The following ANXA8 variants were observed in gnomAD, a reference collection of about 807,000 sequenced individuals.
The protein encoded by ANXA8 is VAC-beta.
Under a neutral mutation model 26.8 loss-of-function variants are expected in ANXA8, and 9 were observed. That is an observed-to-expected ratio of 0.34 (90% CI 0.20 to 0.59). The LOEUF (loss-of-function observed/expected upper bound fraction) is 0.59. Among genes scored for constraint, ANXA8 ranks in the 20% least tolerant of loss-of-function variants. The pLI is 0.84. For synonymous variants in ANXA8, 39 were observed against 94.8 expected, an observed-to-expected ratio of 0.41 and a Z score of 3.42; for missense variants, 83 against 238.5, an observed-to-expected ratio of 0.35 and a Z score of 4.29.
chr10:47,619,867 C>T, the ANXA8 span, among the ~76,000 whole-genome samples: 1 of 112,992 alleles, frequency 8.9e-6, no homozygotes, highest in Non-Finnish European at 2.0e-5. Context: ...GATAAGAGAG[C>T]ACAGAGGAGG....
At chr10:47,929,699 C>T in the ANXA8 span, among the ~76,000 whole-genome samples, 1 of 150,198 alleles carries the variant, frequency 6.7e-6, no homozygotes, top group East Asian at 2.0e-4. Flanking sequence ...GGGCCACAGT[C>T]TTTGGGATCA....
chr10:47,945,075 C>T, the ANXA8 span, among the ~76,000 whole-genome samples: 3 of 150,508 alleles, frequency 2.0e-5, no homozygotes, highest in Non-Finnish European at 2.9e-5. Flanking sequence ...TATGTCACTC[C>T]CTCTGGGATG....
At chr10:47,722,255 CCA>C in the ANXA8 span, among the ~76,000 whole-genome samples, 1 of 96,250 alleles carries the variant, frequency 1.0e-5, no homozygotes, top group Non-Finnish European at 2.1e-5. Context: ...TCATACGAGG[CCA>C]CAGACATTTA....
chr10:47,943,072 A>ATT, the ANXA8 span, among the ~76,000 whole-genome samples: 27 of 145,546 alleles, frequency 1.9e-4, 2 homozygotes, highest in Non-Finnish European at 1.5e-5. Flanking sequence ...ACTTGGGATC[A>ATT]CACATTGTTT....
chr10:47,580,203 A>G, the ANXA8 span, among the ~76,000 whole-genome samples: 1 of 152,082 alleles, frequency 6.6e-6, no homozygotes, highest in Admixed American at 6.5e-5. Flanking sequence ...TACAGGCCTG[A>G]CCTACTGCGC....
chr10:47,698,960 A>T, the ANXA8 span, among the ~76,000 whole-genome samples: 1 of 151,688 alleles, frequency 6.6e-6, no homozygotes, highest in Admixed American at 6.6e-5. Flanking sequence ...CACTCGAGGC[A>T]TTGTCATTAA....
the ANXA8 span, among the ~76,000 whole-genome samples, chr10:47,952,944 C>T: frequency 4.1e-5 from 6 of 145,430 alleles, no homozygotes; most frequent in Non-Finnish European, 9.0e-5. Flanking sequence ...AAAAAGTGAA[C>T]TTCAACCCTT....
the ANXA8 span, among the ~76,000 whole-genome samples, chr10:47,495,151 C>T: frequency 1.6e-3 from 249 of 151,074 alleles, no homozygotes; most frequent in African/African-American, 5.7e-3. Flanking sequence ...TGATGCAGTC[C>T]AAGAGGGAGT....
the ANXA8 span, among the ~76,000 whole-genome samples, chr10:47,600,569 C>A: frequency 6.8e-6 from 1 of 148,016 alleles, no homozygotes; most frequent in Non-Finnish European, 1.5e-5. Context: ...CCTTTCAATG[C>A]TATCTATTGG....
chr10:47,718,087 A>G, the ANXA8 span, among the ~76,000 whole-genome samples: 1 of 152,130 alleles, frequency 6.6e-6, no homozygotes, highest in Non-Finnish European at 1.5e-5. Context: ...TGCCTACTAC[A>G]GGAGACTACT....
the ANXA8 span, among the ~76,000 whole-genome samples, chr10:47,765,304 A>G: frequency 6.8e-6 from 1 of 147,014 alleles, no homozygotes; most frequent in Non-Finnish European, 1.5e-5. Flanking sequence ...TCCTCTGTCT[A>G]GAGTTCAGTG....
the ANXA8 span, among the ~76,000 whole-genome samples, chr10:47,988,957 C>G: frequency 6.6e-6 from 1 of 151,702 alleles, no homozygotes; most frequent in Admixed American, 6.6e-5. Flanking sequence ...TGGAGTCACG[C>G]TCTGCTATTA....
chr10:47,775,369 T>A, the ANXA8 span, among the ~76,000 whole-genome samples: 1 of 150,992 alleles, frequency 6.6e-6, no homozygotes, highest in African/African-American at 2.4e-5. Flanking sequence ...AGAGCCTCAG[T>A]CTCAAAAACA....
chr10:47,673,609 C>T, the ANXA8 span, among the ~76,000 whole-genome samples: 48 of 151,470 alleles, frequency 3.2e-4, 2 homozygotes, highest in African/African-American at 4.2e-4. Flanking sequence ...TCTAGCAAAC[C>T]AAACTCTGAC....
the ANXA8 span, among the ~76,000 whole-genome samples, chr10:47,644,825 A>T: frequency 6.6e-6 from 1 of 150,884 alleles, no homozygotes; most frequent in Non-Finnish European, 1.5e-5. Flanking sequence ...AACACTGATG[A>T]TAATGTTACC....
At chr10:47,627,276 T>C in the ANXA8 span, among the ~76,000 whole-genome samples, 4 of 150,018 alleles carry the variant, frequency 2.7e-5, no homozygotes, top group Non-Finnish European at 5.9e-5. Context: ...TCAAACCCAG[T>C]TTCTATTTTT....
At chr10:47,653,799 C>A in the ANXA8 span, among the ~76,000 whole-genome samples, 1 of 149,248 alleles carries the variant, frequency 6.7e-6, no homozygotes, top group Non-Finnish European at 1.5e-5. Flanking sequence ...CGTGGGCCAC[C>A]ATGCCCAGCT....
At chr10:47,937,717 A>AT in the ANXA8 span, among the ~76,000 whole-genome samples, 1 of 144,956 alleles carries the variant, frequency 6.9e-6, no homozygotes, top group Non-Finnish European at 1.5e-5. Context: ...AACATGTGGT[A>AT]TTTTGTTTTC....
At chr10:47,497,029 T>A in the ANXA8 span, among the ~76,000 whole-genome samples, 1 of 151,002 alleles carries the variant, frequency 6.6e-6, no homozygotes, top group Non-Finnish European at 1.5e-5. Context: ...AACGTTAAAA[T>A]TTTTTTTCAG....
Sources: gnomAD v4.1 joint callset for allele counts (sites outside exome capture counted in the v4.1 genomes callset) on GRCh38, gnomAD v4.1.1 for gene constraint, MANE v1.5 for transcripts, NCBI Gene and HGNC (gene_info 2026-07-23, HGNC 2026-07-21) for gene names.